Variants in GPHN observed in about 807,000 individuals in gnomAD.
GPHN encodes gephyrin.
Under a neutral mutation model 95.5 loss-of-function variants are expected in GPHN, and 17 were observed. That is an observed-to-expected ratio of 0.18 (90% CI 0.12 to 0.27). The LOEUF is 0.27. Among genes scored for constraint, GPHN ranks in the 10% least tolerant of loss-of-function variants. GPHN has a pLI of 1.00. For missense variants in GPHN, 660 were observed against 978.1 expected, an observed-to-expected ratio of 0.67 and a Z score of 4.34; for synonymous variants, 320 against 322.5, an observed-to-expected ratio of 0.99 and a Z score of 0.08.
chr14:66,967,168 A>AC (rs2069393398), intron 9 of GPHN, among the ~76,000 whole-genome samples: 1 of 151,920 alleles, frequency 6.6e-6, no homozygotes, highest in South Asian at 2.1e-4. Context: ...CTCAAAGATA[A>AC]AGTTATCACT....
the GPHN span, among the ~76,000 whole-genome samples, chr14:67,713,996 C>T: frequency 4.6e-5 from 7 of 152,160 alleles, no homozygotes; most frequent in Non-Finnish European, 8.8e-5. Flanking sequence ...GAATGGGAGG[C>T]AGGTTTGCCC....
chr14:67,065,008 C>A (rs977154733), intron 11 of GPHN, among the ~76,000 whole-genome samples: 4 of 152,276 alleles, frequency 2.6e-5, no homozygotes, highest in South Asian at 2.1e-4. Context: ...TTCTCTAGTT[C>A]TTTTAATTAT....
At chr14:67,300,889 A>T in the GPHN span, among the ~76,000 whole-genome samples, 9 of 151,048 alleles carry the variant, frequency 6.0e-5, no homozygotes, top group Non-Finnish European at 3.0e-5. Context: ...ACAGGGTCTC[A>T]CTGTGTTGCC....
At chr14:66,953,977 G>A (rs1367568712) in intron 8 of GPHN, among the ~76,000 whole-genome samples, 1 of 150,584 alleles carries the variant, frequency 6.6e-6, no homozygotes, top group Non-Finnish European at 1.5e-5. Flanking sequence ...GGAGGTTGCA[G>A]TGAGCCAAGA....
At chr14:67,647,102 C>G in the GPHN span, 1 of 953,658 alleles carries the variant, frequency 1.0e-6, no homozygotes, top group South Asian at 1.5e-5. Context: ...AGGACAGCAG[C>G]TTTACTTTTA....
At chr14:66,720,632 T>TA (rs2070653410) in intron 2 of GPHN, among the ~76,000 whole-genome samples, 1 of 152,236 alleles carries the variant, frequency 6.6e-6, no homozygotes, top group Non-Finnish European at 1.5e-5. Context: ...TTGCACATCA[T>TA]ACTCACTAAT....
chr14:67,392,001 G>A, the GPHN span, among the ~76,000 whole-genome samples: 1 of 152,218 alleles, frequency 6.6e-6, no homozygotes, highest in African/African-American at 2.4e-5. Flanking sequence ...AAAACCTCAA[G>A]CCAGTCAGCA....
At chr14:67,335,397 T>C in the GPHN span, 1 of 152,232 alleles carries the variant, frequency 6.6e-6, no homozygotes, top group Non-Finnish European at 1.5e-5. Context: ...GGGGGAGGTC[T>C]TACCATTTAA....
chr14:67,225,827 G>A, the GPHN span, among the ~76,000 whole-genome samples: 1 of 152,024 alleles, frequency 6.6e-6, no homozygotes, highest in African/African-American at 2.4e-5. Flanking sequence ...ACTTCTCTCA[G>A]CCATGATAAC....
At chr14:67,663,097 A>G in the GPHN span, 1 of 1,507,420 alleles carries the variant, frequency 6.6e-7, no homozygotes. Context: ...CAATGACTTG[A>G]ACGATGAGAA....
intron 9 of GPHN, among the ~76,000 whole-genome samples, chr14:66,986,883 T>C (rs1352055609): frequency 6.6e-6 from 1 of 152,200 alleles, no homozygotes; most frequent in Non-Finnish European, 1.5e-5. Context: ...TTCTTAGCTT[T>C]ACTTTTTTGT....
At chr14:66,953,557 C>G (rs1457958826) in intron 8 of GPHN, among the ~76,000 whole-genome samples, 1 of 152,180 alleles carries the variant, frequency 6.6e-6, no homozygotes, top group East Asian at 1.9e-4. Flanking sequence ...TGCAGTTGTT[C>G]TAGCATAATT....
the GPHN span, among the ~76,000 whole-genome samples, chr14:67,396,288 C>G: frequency 2.6e-5 from 4 of 151,610 alleles, no homozygotes; most frequent in African/African-American, 7.3e-5. Flanking sequence ...GATGGGACTA[C>G]AGACGCCCAC....
At chr14:67,279,166 T>A in the GPHN span, 2 of 1,561,368 alleles carry the variant, frequency 1.3e-6, no homozygotes, top group Non-Finnish European at 1.7e-6. Context: ...TTTTCATAGA[T>A]AACCATGACA....
intron 2 of GPHN, among the ~76,000 whole-genome samples, chr14:66,758,592 G>A (rs974848103): frequency 5.3e-5 from 8 of 152,124 alleles, no homozygotes; most frequent in Non-Finnish European, 4.4e-5. Context: ...ATGAAAAAAG[G>A]GGGTAAGGAC....
the GPHN span, chr14:67,693,078 C>A: frequency 6.5e-7 from 1 of 1,526,908 alleles, no homozygotes; most frequent in Non-Finnish European, 9.0e-7. Flanking sequence ...GAGAGCTCAT[C>A]AATTCTTCAT....
chr14:67,388,173 C>T, the GPHN span: 1 of 1,166,342 alleles, frequency 8.6e-7, no homozygotes, highest in East Asian at 2.3e-5. Flanking sequence ...TACTGAGGTG[C>T]AGGAGGGAGG....
At chr14:66,904,178 G>A (rs986398541) in intron 5 of GPHN, among the ~76,000 whole-genome samples, 13 of 152,074 alleles carry the variant, frequency 8.5e-5, no homozygotes, top group Non-Finnish European at 1.3e-4. Context: ...AGCTCTTAAA[G>A]GTGGCGTGGA....
At chr14:67,403,852 G>A in the GPHN span, among the ~76,000 whole-genome samples, 2 of 152,174 alleles carry the variant, frequency 1.3e-5, no homozygotes, top group Non-Finnish European at 2.9e-5. Context: ...AGGAGTTCAA[G>A]ACCAGTCTGG....
Sources: gnomAD v4.1 joint callset for allele counts (sites outside exome capture counted in the v4.1 genomes callset) on GRCh38, gnomAD v4.1.1 for gene constraint, MANE v1.5 for transcripts, NCBI Gene and HGNC (gene_info 2026-07-23, HGNC 2026-07-21) for gene names.